The following LYN variants were observed in gnomAD, a reference collection of about 807,000 sequenced individuals.
LYN encodes the protein tyrosine-protein kinase Lyn.
A neutral mutation model predicts 65.0 loss-of-function variants in LYN; 12 were observed. The observed-to-expected ratio is 0.18, with a 90% CI of 0.12 to 0.30. LYN has a LOEUF of 0.30. Among genes scored for constraint, LYN ranks in the 10% least tolerant of loss-of-function variants. The pLI is 1.00. For synonymous variants in LYN, 222 were observed against 221.2 expected, an observed-to-expected ratio of 1.00 and a Z score of -0.03; for missense variants, 380 against 623.2, an observed-to-expected ratio of 0.61 and a Z score of 4.16.
intron 1 of LYN, among the ~76,000 whole-genome samples, chr8:55,899,031 G>T (rs914464100): frequency 1.9e-4 from 29 of 152,152 alleles, no homozygotes; most frequent in Non-Finnish European, 3.4e-4. Flanking sequence ...TCCATATATT[G>T]CCCAAAGTGT....
chr8:55,931,413 G>A (rs1199942529), intron 1 of LYN, among the ~76,000 whole-genome samples: 2 of 149,684 alleles, frequency 1.3e-5, no homozygotes, highest in African/African-American at 4.9e-5. Context: ...AAAACCTAAG[G>A]GCCTCGAAAC....
chr8:55,950,867 A>G (rs972602561), intron 6 of LYN, 83 bp downstream of exon 6: 3 of 971,978 alleles, frequency 3.1e-6, no homozygotes, highest in Middle Eastern at 2.2e-4. Flanking sequence ...TCAAGGGGAA[A>G]AAAGGGCATA....
intron 8 of LYN, among the ~76,000 whole-genome samples, chr8:55,957,401 T>C (rs1474423759): frequency 6.6e-6 from 1 of 152,210 alleles, no homozygotes; most frequent in African/African-American, 2.4e-5. Context: ...GGCAAAGGAA[T>C]TAACGTGTCT....
intron 1 of LYN, among the ~76,000 whole-genome samples, chr8:55,892,742 C>T (rs1381859981): frequency 6.6e-6 from 1 of 152,074 alleles, no homozygotes; most frequent in African/African-American, 2.4e-5. Flanking sequence ...TTCTTTCTAA[C>T]AGGATTCGAG....
intron 1 of LYN, among the ~76,000 whole-genome samples, chr8:55,908,178 A>C (rs1313606139): frequency 1.3e-5 from 2 of 152,116 alleles, no homozygotes; most frequent in Non-Finnish European, 2.9e-5. Flanking sequence ...ATAGAATTAA[A>C]GGTGATAAGG....
intron 6 of LYN, 96 bp downstream of exon 6, chr8:55,950,880 G>A (rs7829420): frequency 0.29 from 238,560 of 812,532 alleles, 36,274 homozygotes; most frequent in Non-Finnish European, 0.32. Flanking sequence ...AGGGCATATA[G>A]TATGCTCTGG....
intron 1 of LYN, among the ~76,000 whole-genome samples, chr8:55,932,742 G>A (rs1252962692): frequency 6.6e-6 from 1 of 152,012 alleles, no homozygotes; most frequent in Non-Finnish European, 1.5e-5. Flanking sequence ...TATTTGATAA[G>A]AATTATTATA....
chr8:55,904,945 AG>A (rs894405195), intron 1 of LYN, among the ~76,000 whole-genome samples: 59 of 152,148 alleles, frequency 3.9e-4, no homozygotes, highest in Non-Finnish European at 1.3e-4. Context: ...ATCAATGGGG[AG>A]CATTTAAACC....
At chr8:55,969,655 T>G in intron 9 of LYN, 62 bp from the exon 10 acceptor site, 1 of 1,242,230 alleles carries the variant, frequency 8.1e-7, no homozygotes, top group Non-Finnish European at 1.2e-6. Context: ...ATGATGTGAA[T>G]TTTGTTTGGA....
At chr8:55,913,746 C>T (rs1037200777) in intron 1 of LYN, among the ~76,000 whole-genome samples, 1 of 152,108 alleles carries the variant, frequency 6.6e-6, no homozygotes, top group Non-Finnish European at 1.5e-5. Context: ...TCTGGGGATT[C>T]GGCACAGTTT....
chr8:55,977,443 G>A (rs1807788565), intron 10 of LYN, among the ~76,000 whole-genome samples: 1 of 152,206 alleles, frequency 6.6e-6, no homozygotes, highest in Non-Finnish European at 1.5e-5. Flanking sequence ...ACACCAGGGT[G>A]TTCTTTATAG....
intron 1 of LYN, among the ~76,000 whole-genome samples, chr8:55,935,595 G>A (rs1806407498): frequency 6.6e-6 from 1 of 152,086 alleles, no homozygotes; most frequent in South Asian, 2.1e-4. Context: ...CCAACATGGT[G>A]AAACCCTGTC....
Position 55,941,981 on chromosome 8 carries a change from A to G in LYN, c.122A>G (p.Gln41Arg). 6.2e-7 allele frequency: 1 copy of G among 1,613,628 alleles called. No homozygotes were observed. Among genetic ancestry groups the G allele is most frequent in the African/African-American group, 1.3e-5 (1 of 75,042 alleles). ...IYVRDPTSNKQQRPVPESQLL... is the reference protein window; with the variant it reads ...IYVRDPTSNKRQRPVPESQLL... The stretch of plus-strand genomic sequence containing the variant: ...GTGAGAGATCCAACGTCCAATAAAC[A>G]GCAAAGGCCAGTAAGTAGATAGTCT... Residue 41 changes from glutamine (Q) to arginine (R), a missense_variant, in exon 2 of 13, where the codon CAG becomes CGG. By Grantham distance (43) the Gln-to-Arg change is conservative. Coordinates refer to ENST00000519728, the MANE Select transcript of LYN (RefSeq NM_002350.4).
At chr8:55,920,844 G>C (rs959603244) in intron 1 of LYN, among the ~76,000 whole-genome samples, 1 of 147,572 alleles carries the variant, frequency 6.8e-6, no homozygotes, top group Admixed American at 7.1e-5. Flanking sequence ...TTATAGGCAT[G>C]TGCTACCACG....
intron 1 of LYN, among the ~76,000 whole-genome samples, chr8:55,886,927 C>T (rs1448086291): frequency 6.6e-6 from 1 of 152,102 alleles, no homozygotes; most frequent in Non-Finnish European, 1.5e-5. Context: ...TAATGGTGAA[C>T]TCTAGTCACC....
At chr8:55,977,843 C>T (rs567583809) in intron 10 of LYN, among the ~76,000 whole-genome samples, 20 of 152,134 alleles carry the variant, frequency 1.3e-4, no homozygotes, top group African/African-American at 4.1e-4. Context: ...TGATCGAACC[C>T]GGGAAGTTGA....
chr8:55,972,753 A>T (rs554609000), intron 10 of LYN, among the ~76,000 whole-genome samples: 1 of 152,324 alleles, frequency 6.6e-6, no homozygotes, highest in East Asian at 1.9e-4. Context: ...GGTGACAGAG[A>T]TCCCTGGGGC....
In LYN at chr8:55,899,556, C is replaced by T. The variant is rs141774283; in HGVS notation, c.-6+19453C>T. Among the ~76,000 whole-genome samples, 142 of 152,326 alleles carry T rather than the reference C, an allele frequency of 9.3e-4. 1 individual carries two copies. Among genetic ancestry groups the T allele is most frequent in the East Asian group, 3.1e-3 (16 of 5,194 alleles). ...TATTGAGTGCACACGGTATGTCATT[C>T]GTTCTTCTAAACACTCGTCAAGATT... On this transcript the variant is annotated intron_variant, in intron 1 of 12. Transcript: ENST00000519728.
chr8:55,918,308 C>G (rs1267628360), intron 1 of LYN, among the ~76,000 whole-genome samples: 3 of 152,194 alleles, frequency 2.0e-5, no homozygotes, highest in Non-Finnish European at 4.4e-5. Flanking sequence ...TCCTTAATTG[C>G]ACTTATCACC....
Sources: allele counts gnomAD v4.1 joint callset (sites outside exome capture counted in the v4.1 genomes callset), GRCh38; gene constraint gnomAD v4.1.1; transcripts MANE v1.5; gene names NCBI Gene and HGNC (gene_info 2026-07-23, HGNC 2026-07-21).